CSF2RB: variants seen among roughly 807,000 people sequenced by gnomAD.
CSF2RB encodes the protein cytokine receptor common subunit beta.
Under a neutral mutation model 67.2 loss-of-function variants are expected in CSF2RB, and 22 were observed. That is an observed-to-expected ratio of 0.33 (90% confidence interval 0.23 to 0.47). The LOEUF is 0.47. Ranked by LOEUF, CSF2RB falls within the 20% of genes least tolerant of loss-of-function variation. The pLI, the probability that CSF2RB is intolerant of heterozygous loss-of-function variation, is 1.00. For synonymous variants in CSF2RB, 507 were observed against 482.9 expected, an observed-to-expected ratio of 1.05 and a Z score of -0.65; for missense variants, 1,113 against 1,174.5, an observed-to-expected ratio of 0.95 and a Z score of 0.76.
rs762834230 is a variant in CSF2RB, at chr22:36,936,557, C to T, written c.1473C>T (p.Ser491=). 2.6e-5 allele frequency: 42 copies of T among 1,612,614 alleles called. No individual in the cohort carries two copies. The highest frequency in any genetic ancestry group is 3.2e-5 in the Non-Finnish European group (38 of 1,179,942). ...PSKSHLFQNG[S]AELWPPGSMS... ...TGTCTCTGCTCTTGCAGAACGGGAG[C>T]GCAGAGCTTTGGCCCCCAGGCAGCA... The change falls in exon 13 of 14, where the codon AGC becomes AGT. Residue 491 remains serine, a synonymous_variant. Transcript: ENST00000403662.
rs369450671 is a variant in CSF2RB, at chr22:36,933,931, C to T, written c.1252C>T (p.Arg418Cys). Residue 418 changes from arginine (R) to cysteine (C), a missense_variant, in exon 10 of 14, where the codon CGC (arginine) becomes TGC (cysteine). Physicochemically the swap from Arg to Cys is radical, Grantham distance 180. Transcript: ENST00000403662. ...YWARVRVRTS[R>C]TGYNGIWSEW... ...GGCCAGGGTGAGGGTCAGGACCTCC[C>T]GCACCGGCTACAACGGGATCTGGAG... 40 of 1,612,574 alleles carry T rather than the reference C, an allele frequency of 2.5e-5. No individual in the cohort carries two copies. Among genetic ancestry groups the T allele is most frequent in the Non-Finnish European group, 3.1e-5 (36 of 1,179,978 alleles).
chr22:36,922,142 C>G lies in CSF2RB; in HGVS notation c.-66C>G. 7.0e-7 allele frequency: 1 copy of G among 1,431,048 alleles called. No homozygotes were observed. The highest frequency in any genetic ancestry group is 1.2e-5 in the South Asian group (1 of 81,788). The allele number at this position is 1,431,048 out of a possible 1,614,324, so 88.6% of individuals were successfully genotyped here. ...ACACAGGACTTCAGGACACTAAGGA[C>G]CCTGTCATGCCCATGGCCAGCACCC... On this transcript the variant is annotated 5_prime_UTR_variant, in exon 2 of 14. Coordinates refer to ENST00000403662, the MANE Select transcript of CSF2RB (RefSeq NM_000395.3).
In CSF2RB at chr22:36,929,878, A is replaced by G. The variant is rs565376421; in HGVS notation, c.718+71A>G. ...GCTCATCAGGAGCTCCTGGCACAGC[A>G]GGGTTCCTGGGCTCCACCTGGGGGC... On this transcript the variant is annotated intron_variant, in intron 6 of 13. Transcript: ENST00000403662. 4 of 1,552,480 alleles carry G rather than the reference A, an allele frequency of 2.6e-6. No individual in the cohort carries two copies. The Admixed American group carries it at 5.8e-5, about 22-fold the overall frequency.
At chr22:36,929,859 C>T (rs1206793489) in intron 6 of CSF2RB, 52 bp downstream of exon 6, 1 of 1,584,226 alleles carries the variant, frequency 6.3e-7, no homozygotes, top group South Asian at 1.1e-5. Flanking sequence ...GCAGGCTCAT[C>T]AGGAGCTCCT....
In CSF2RB at chr22:36,938,163, C is replaced by A. The variant is rs747425773; in HGVS notation, c.2355C>A (p.Val785=). 2.5e-6 allele frequency: 4 copies of A among 1,614,116 alleles called. 1 individual carries two copies. In the South Asian group the frequency reaches 3.3e-5, roughly 13 times the overall value. ...CCAGGTCACCAAGGAACAATCCTGTCCCCCCTGAGGCCAAAAGCCCTGTCC... is the reference window on the plus strand; with the variant it reads ...CCAGGTCACCAAGGAACAATCCTGTACCCCCTGAGGCCAAAAGCCCTGTCC... The part of the protein sequence containing the change: ...RSPRSPRNNP[V]PPEAKSPVLN... Residue 785 remains valine, a synonymous_variant, in exon 14 of 14, where the codon GTC becomes GTA. Coordinates refer to ENST00000403662, the MANE Select transcript of CSF2RB (RefSeq NM_000395.3).
At chr22:36,932,959 A>G (rs1284004160) in intron 9 of CSF2RB, 55 bp downstream of exon 9, 1 of 1,607,272 alleles carries the variant, frequency 6.2e-7, no homozygotes, top group African/African-American at 1.3e-5. Context: ...GGAGAAGGGA[A>G]AGCAACCAGA....
At chr22:36,929,380 C>A in intron 4 of CSF2RB, 22 bp from the exon 5 acceptor site, 1 of 1,614,138 alleles carries the variant, frequency 6.2e-7, no homozygotes, top group Non-Finnish European at 8.5e-7. Context: ...CCCTTAGGTG[C>A]CCTTCACTTC....
chr22:36,916,085 G>A (rs527419457), intron 1 of CSF2RB, among the ~76,000 whole-genome samples: 2 of 152,104 alleles, frequency 1.3e-5, no homozygotes, highest in Non-Finnish European at 2.9e-5. Flanking sequence ...GATGTCTTAT[G>A]TCATATAAAA....
At chr22:36,914,027 C>A (rs1275553647) in intron 1 of CSF2RB, among the ~76,000 whole-genome samples, 1 of 152,108 alleles carries the variant, frequency 6.6e-6, no homozygotes, top group Non-Finnish European at 1.5e-5. Flanking sequence ...TATAGTCTGT[C>A]TTCGCTTTGT....
In CSF2RB at chr22:36,937,608, C is replaced by T. The variant is rs1245049736; in HGVS notation, c.1800C>T (p.Arg600=). ...NGPYLGPPHS[R]SLPDILGQPE... The stretch of plus-strand genomic sequence containing the variant: ...CCTACCTGGGGCCGCCCCACAGCCG[C>T]TCCCTACCTGACATCCTGGGCCAGC... The change falls in exon 14 of 14, where the codon CGC becomes CGT. Residue 600 remains arginine, a synonymous_variant. Transcript: ENST00000403662. This position sits in a 1 kb window ranked among gnomAD's most constrained non-coding sequence, Gnocchi z 4.6. 1 of 1,579,526 alleles carries T rather than the reference C, an allele frequency of 6.3e-7. No individual in the cohort carries two copies. Among genetic ancestry groups the T allele is most frequent in the Non-Finnish European group, 8.6e-7 (1 of 1,162,568 alleles).
Position 36,939,284 on chromosome 22 carries a change from C to G in CSF2RB, c.*782C>G. 3 of 701,644 alleles carry G rather than the reference C, an allele frequency of 4.3e-6. No homozygotes were observed. Among genetic ancestry groups the G allele is most frequent in the Non-Finnish European group, 7.8e-6 (3 of 384,704 alleles). The allele number at this position is 701,644 out of a possible 1,614,324, so 43.5% of individuals were successfully genotyped here. On this transcript the variant is annotated 3_prime_UTR_variant, in exon 14 of 14. Coordinates refer to ENST00000403662, the MANE Select transcript of CSF2RB (RefSeq NM_000395.3). Reference sequence around the variant, plus strand: ...ACGGCCCAAGTGGTGGGCAGGCTGGCGGGACCTGGGGAACATCAGGAGAGG... The same window carrying G: ...ACGGCCCAAGTGGTGGGCAGGCTGGGGGGACCTGGGGAACATCAGGAGAGG...
intron 4 of CSF2RB, 51 bp downstream of exon 4, chr22:36,926,228 G>C (rs1601584779): frequency 6.3e-7 from 1 of 1,582,206 alleles, no homozygotes; most frequent in Middle Eastern, 2.0e-4. Flanking sequence ...GTGGACAGCG[G>C]GGGCACCAGG....
At chr22:36,935,081 C>G (rs1483080713) in intron 10 of CSF2RB, among the ~76,000 whole-genome samples, 1 of 152,164 alleles carries the variant, frequency 6.6e-6, no homozygotes, top group African/African-American at 2.4e-5. Context: ...TTCTTGCCCT[C>G]CCTGTAGCAC....
At position 36,929,773 on chromosome 22, in the gene CSF2RB, G is replaced by A. The variant is rs1941108934; in HGVS notation, c.684G>A (p.Lys228=). Residue 228 remains lysine, a synonymous_variant, in exon 6 of 14, where the codon AAG becomes AAA. Transcript: ENST00000403662. ...PGSRLSGRPS[K]WSPEVCWDSQ... is the part of the protein sequence containing the mutation. The stretch of plus-strand genomic sequence containing the variant: ...CTCGGCTCTCAGGACGTCCCAGCAA[G>A]TGGAGCCCAGAGGTTTGCTGGGACT... The A allele has an allele frequency of 6.2e-7, 1 of 1,613,982 alleles. No individual in the cohort carries two copies. The highest frequency in any genetic ancestry group is 1.3e-5 in the African/African-American group (1 of 74,934).
intron 1 of CSF2RB, among the ~76,000 whole-genome samples, chr22:36,921,829 G>A (rs1320782204): frequency 2.0e-5 from 3 of 152,212 alleles, no homozygotes; most frequent in Admixed American, 6.5e-5. Context: ...CTGCTGTCTA[G>A]CGCATTGTGC....
rs936607825 is a variant in CSF2RB at position 36,923,812 on chromosome 22, C to T, written c.200+445C>T. The T allele has an allele frequency of 3.2e-5, 41 of 1,288,046 alleles. 1 individual carries two copies. The highest frequency in any genetic ancestry group is 3.9e-5 in the Non-Finnish European group (39 of 987,744). 79.8% of individuals were successfully genotyped at this position (1,288,046 alleles called of 1,614,324 possible). A position where few individuals can be genotyped will look rare whatever the true frequency, so the allele number is the denominator to read the frequency against. On this transcript the variant is annotated intron_variant, in intron 3 of 13. Transcript: ENST00000403662. ...GTTCACAGATGGGAAAACTGAGGCC[C>T]TGGAGGTGAGGTGCCAGCCCTGGCC...
Position 36,939,222 on chromosome 22 carries a change from C to T in CSF2RB, c.*720C>T. 1.4e-6 allele frequency: 1 copy of T among 702,324 alleles called. No homozygotes were observed. Among genetic ancestry groups the T allele is most frequent in the Non-Finnish European group, 2.6e-6 (1 of 384,828 alleles). 43.5% of individuals were successfully genotyped at this position (702,324 alleles called of 1,614,324 possible). On this transcript the variant is annotated 3_prime_UTR_variant, in exon 14 of 14. Transcript: ENST00000403662. ...TGTCTCAGTGATGTCTGTGGGACCT[C>T]CAGTCCCTTGAGACCCCACGTCATG...
chr22:36,928,950 G>A (rs958021665), intron 4 of CSF2RB, among the ~76,000 whole-genome samples: 4 of 152,202 alleles, frequency 2.6e-5, no homozygotes, highest in African/African-American at 4.8e-5. Context: ...ATGCAGATCC[G>A]AGGATGTTCC....
At chr22:36,916,788 G>T (rs1406127319) in intron 1 of CSF2RB, among the ~76,000 whole-genome samples, 2 of 152,074 alleles carry the variant, frequency 1.3e-5, no homozygotes, top group African/African-American at 4.8e-5. Context: ...GAACCCAGGA[G>T]GCAAAGTTTG....
Sources: allele counts gnomAD v4.1 joint callset (sites outside exome capture counted in the v4.1 genomes callset), GRCh38; gene constraint gnomAD v4.1.1; non-coding constraint Gnocchi (gnomAD v3.1); transcripts MANE v1.5; gene names NCBI Gene and HGNC (gene_info 2026-07-23, HGNC 2026-07-21).